MTMR7: variants seen among roughly 807,000 people sequenced by gnomAD.
The protein encoded by MTMR7 is phosphatidylinositol-3-phosphate phosphatase MTMR7.
A neutral mutation model predicts 81.2 loss-of-function variants in MTMR7; 76 were observed. That is an observed-to-expected ratio of 0.94 (90% CI 0.78 to 1.13). The LOEUF is 1.13. Ranked by LOEUF, MTMR7 falls within the 50% of genes most tolerant of loss-of-function variation. The pLI is 0.00. For synonymous variants in MTMR7, 372 were observed against 289.8 expected, an observed-to-expected ratio of 1.28 and a Z score of -2.88; for missense variants, 1,044 against 820.0, an observed-to-expected ratio of 1.27 and a Z score of -3.34.
intron 3 of MTMR7, among the ~76,000 whole-genome samples, chr8:17,363,338 A>G (rs560225281): frequency 6.6e-6 from 1 of 152,356 alleles, no homozygotes; most frequent in African/African-American, 2.4e-5. Context: ...CCTGAGTGAA[A>G]GAAGAGCTAC....
At chr8:17,405,181 G>C (rs931008066) in intron 1 of MTMR7, among the ~76,000 whole-genome samples, 1 of 152,162 alleles carries the variant, frequency 6.6e-6, no homozygotes, top group Non-Finnish European at 1.5e-5. Context: ...TGACAATATA[G>C]AGATAAATTA....
At chr8:17,392,842 C>G (rs1447027624) in intron 1 of MTMR7, among the ~76,000 whole-genome samples, 1 of 152,158 alleles carries the variant, frequency 6.6e-6, no homozygotes, top group Admixed American at 6.6e-5. Context: ...TCTTTTTATT[C>G]TCAAATTTCA....
chr8:17,313,452 T>C, intron 7 of MTMR7, 51 bp from the exon 8 acceptor site: 1 of 1,182,718 alleles, frequency 8.5e-7, no homozygotes. Context: ...TCTCTCATTT[T>C]ACATATGATC....
intron 1 of MTMR7, among the ~76,000 whole-genome samples, chr8:17,402,221 G>A (rs1343361491): frequency 2.0e-5 from 3 of 151,966 alleles, no homozygotes; most frequent in South Asian, 2.1e-4. Flanking sequence ...CTCCTGAAAC[G>A]TTTATTCTTT....
chr8:17,302,856 G>A (rs1484176259), intron 12 of MTMR7, among the ~76,000 whole-genome samples: 2 of 151,652 alleles, frequency 1.3e-5, no homozygotes, highest in Non-Finnish European at 2.9e-5. Context: ...GGGATTACAG[G>A]CATGCACCAC....
intron 4 of MTMR7, among the ~76,000 whole-genome samples, chr8:17,352,514 G>T (rs535544507): frequency 6.6e-6 from 1 of 152,158 alleles, no homozygotes; most frequent in East Asian, 1.9e-4. Context: ...AGAACATAAG[G>T]GACAAGCTTT....
intron 3 of MTMR7, among the ~76,000 whole-genome samples, chr8:17,369,993 A>C (rs1382677539): frequency 2.6e-5 from 4 of 152,022 alleles, no homozygotes; most frequent in African/African-American, 9.7e-5. Flanking sequence ...CACAAGCCAC[A>C]CAGAGAGGCA....
intron 11 of MTMR7, 75 bp downstream of exon 11, chr8:17,305,682 G>T (rs933755643): frequency 5.2e-6 from 7 of 1,336,980 alleles, no homozygotes; most frequent in Non-Finnish European, 7.3e-6. Context: ...TCAAAATTAT[G>T]AAAGGCCACC....
At chr8:17,375,450 G>A (rs34406194) in intron 1 of MTMR7, among the ~76,000 whole-genome samples, 21,113 of 150,906 alleles carry the variant, frequency 0.14, 1,816 homozygotes, top group East Asian at 0.39. Context: ...GCATACATTC[G>A]ACAACAGTGC....
intron 1 of MTMR7, among the ~76,000 whole-genome samples, chr8:17,412,800 G>C (rs117072700): frequency 6.6e-6 from 1 of 152,274 alleles, no homozygotes; most frequent in African/African-American, 2.4e-5. Context: ...AGGCCGAGCC[G>C]GGTGGGCCTG....
intron 1 of MTMR7, among the ~76,000 whole-genome samples, chr8:17,412,547 T>A (rs1821763948): frequency 6.6e-6 from 1 of 152,236 alleles, no homozygotes; most frequent in Non-Finnish European, 1.5e-5. Flanking sequence ...GCGATCAACG[T>A]TTCCAATGTT....
In MTMR7 at chr8:17,399,618, A is replaced by G. The variant is rs558521219; in HGVS notation, c.24+13651T>C. 5.9e-5 allele frequency among the ~76,000 whole-genome samples: 9 copies of G among 152,324 alleles called. No homozygotes were observed. The South Asian group carries it at 1.9e-3, about 32-fold the overall frequency. ...TGCCAATGCCACTCTTGACAGAAAT[A>G]GAAAAAATCCTGAAAGTTATATAGA... On this transcript the variant is annotated intron_variant, in intron 1 of 13. Coordinates refer to ENST00000180173, the MANE Select transcript of MTMR7 (RefSeq NM_004686.5).
At chr8:17,364,106 T>G (rs1287132190) in intron 3 of MTMR7, among the ~76,000 whole-genome samples, 1 of 138,462 alleles carries the variant, frequency 7.2e-6, no homozygotes, top group Non-Finnish European at 1.5e-5. Context: ...CTCGGCTCAC[T>G]GCAAGCTCCG....
At chr8:17,341,794 C>A (rs917199382) in intron 5 of MTMR7, among the ~76,000 whole-genome samples, 1 of 152,170 alleles carries the variant, frequency 6.6e-6, no homozygotes, top group South Asian at 2.1e-4. Flanking sequence ...CTTTCCTTTT[C>A]ACTGATATTG....
At position 17,370,552 on chromosome 8, in the gene MTMR7, TC is replaced by T. The variant is rs1820385728; in HGVS notation, c.310+484del. ...GCCTGGGCGACGGAGAAAAAGTGCC[TC>T]AAAAAAAAAAAAAAAAAAAAAAAAA... On this transcript the variant is annotated intron_variant, in intron 3 of 13. Coordinates refer to ENST00000180173, the MANE Select transcript of MTMR7 (RefSeq NM_004686.5). Among the ~76,000 whole-genome samples the T allele has an allele frequency of 4.1e-4, 3 of 7,262 alleles. No homozygotes were observed. The Admixed American group carries it at 6.4e-3, about 15-fold the overall frequency. The allele number at this position is 7,262 out of a possible 152,430, so 4.8% of individuals were successfully genotyped here. A position where few individuals can be genotyped will look rare whatever the true frequency, so the allele number is the denominator to read the frequency against.
At chr8:17,305,728 T>G (rs1817405630) in intron 11 of MTMR7, 29 bp downstream of exon 11, 1 of 1,561,434 alleles carries the variant, frequency 6.4e-7, no homozygotes, top group Non-Finnish European at 8.7e-7. Context: ...TAAATAAAAG[T>G]TAAACACCAA....
chr8:17,333,185 G>T (rs1232776257), intron 6 of MTMR7, among the ~76,000 whole-genome samples: 1 of 151,908 alleles, frequency 6.6e-6, no homozygotes, highest in Non-Finnish European at 1.5e-5. Context: ...TCCACAAAAG[G>T]GTGTCATCTT....
chr8:17,398,092 C>T (rs1267610199), intron 1 of MTMR7, among the ~76,000 whole-genome samples: 2 of 151,996 alleles, frequency 1.3e-5, no homozygotes, highest in Admixed American at 1.3e-4. Context: ...ACAAACAAGC[C>T]CACACTGCAA....
At chr8:17,374,620 A>AAACT (rs1820517963) in intron 1 of MTMR7, among the ~76,000 whole-genome samples, 1 of 151,268 alleles carries the variant, frequency 6.6e-6, no homozygotes, top group African/African-American at 2.4e-5. Context: ...ACTCCATCTC[A>AAACT]AAATAAATAA....
Sources: allele counts gnomAD v4.1 joint callset (sites outside exome capture counted in the v4.1 genomes callset), GRCh38; gene constraint gnomAD v4.1.1; transcripts MANE v1.5; gene names NCBI Gene and HGNC (gene_info 2026-07-23, HGNC 2026-07-21).